The following DSTYK variants were observed in gnomAD, a reference collection of about 807,000 sequenced individuals.
The protein encoded by DSTYK is RIP-homologous kinase.
A neutral mutation model predicts 98.7 loss-of-function variants in DSTYK; 34 were observed. The observed-to-expected ratio is 0.34, with a 90% confidence interval of 0.26 to 0.46. The LOEUF is 0.46. Among genes scored for constraint, DSTYK ranks in the 20% least tolerant of loss-of-function variants. The probability of loss-of-function intolerance (pLI) is 1.00; values close to 1 mark genes in which losing one functional copy is unlikely to be tolerated. For missense variants in DSTYK, 962 were observed against 1,181.7 expected (o/e 0.81, Z 2.73); for synonymous variants, 462 against 457.3 (o/e 1.01, Z -0.13).
chr1:205,174,336 A>C (rs1372548153), intron 2 of DSTYK, among the ~76,000 whole-genome samples: 1 of 151,952 alleles, frequency 6.6e-6, no homozygotes, highest in Non-Finnish European at 1.5e-5. Flanking sequence ...AATATGGTGA[A>C]ACCCTGTCTC....
chr1:205,143,583 C>T lies in DSTYK; in HGVS notation c.*3975G>A, dbSNP rs996399223. 1 of 152,546 alleles carries T rather than the reference C, an allele frequency of 6.6e-6. No individual in the cohort carries two copies. Among genetic ancestry groups the T allele is most frequent in the Non-Finnish European group, 1.5e-5 (1 of 68,048 alleles). 9.4% of individuals were successfully genotyped at this position (152,546 alleles called of 1,614,324 possible). A position where few individuals can be genotyped will look rare whatever the true frequency, so the allele number is the denominator to read the frequency against. On this transcript the variant is annotated 3_prime_UTR_variant, in exon 13 of 13. Coordinates refer to ENST00000367162, the MANE Select transcript of DSTYK (RefSeq NM_015375.3). ...CTCTCCAAAGCAAGCCCAAAGGGGG[C>T]TTTAACTTCCCAAAGTGCTACTGTA...
At position 205,211,413 on chromosome 1, in the gene DSTYK, C is replaced by T. The variant is rs1300313479; in HGVS notation, c.123G>A (p.Leu41=). ...TCTGGGTCTCGCGCAGGTTCTGTCG[C>T]AGCCGTCCCAGGTAGCGGCGGTAGC... The part of the protein sequence containing the change: ...FGRYRRYLGR[L]RQNLRETQKF... Residue 41 remains leucine (L), a synonymous_variant, in exon 1 of 13, where the codon CTG becomes CTA. Transcript: ENST00000367162. 6.2e-7 allele frequency: 1 copy of T among 1,610,338 alleles called. No homozygotes were observed. The highest frequency in any genetic ancestry group is 2.2e-5 in the East Asian group (1 of 44,774).
chr1:205,203,986 C>T (rs891359509), intron 1 of DSTYK, among the ~76,000 whole-genome samples: 7 of 152,038 alleles, frequency 4.6e-5, no homozygotes, highest in African/African-American at 9.7e-5. Flanking sequence ...AAGGAAGATT[C>T]GGAAGGAGAA....
At chr1:205,159,418 G>C in intron 9 of DSTYK, 129 bp downstream of exon 9, 1 of 1,205,344 alleles carries the variant, frequency 8.3e-7, no homozygotes, top group Non-Finnish European at 1.1e-6. Context: ...TTGGAAATAA[G>C]TGAAATAAAC....
Position 205,211,594 on chromosome 1 carries a change from C to T in DSTYK, c.-59G>A, listed in dbSNP as rs542851677. 2.5e-4 allele frequency: 356 copies of T among 1,407,046 alleles called. 1 individual carries two copies. Among genetic ancestry groups the T allele is most frequent in the Non-Finnish European group, 3.2e-4 (346 of 1,088,728 alleles). The allele number at this position is 1,407,046 out of a possible 1,614,324, so 87.2% of individuals were successfully genotyped here. A position where few individuals can be genotyped will look rare whatever the true frequency, so the allele number is the denominator to read the frequency against. Reference sequence around the variant, plus strand: ...CCCGGCCGCAGGCCCGGCCTCCCTCCTCCCCGCCCCCCAGTGCCGAAGGGA... The same window carrying T: ...CCCGGCCGCAGGCCCGGCCTCCCTCTTCCCCGCCCCCCAGTGCCGAAGGGA... On this transcript the variant is annotated 5_prime_UTR_variant, in exon 1 of 13. Transcript: ENST00000367162.
At position 205,169,114 on chromosome 1, in the gene DSTYK, T is replaced by C; in HGVS notation, c.1324+49A>G. On this transcript the variant is annotated intron_variant, in intron 3 of 12. Coordinates refer to ENST00000367162, the MANE Select transcript of DSTYK (RefSeq NM_015375.3). The surrounding 1 kb of genome is among the most constrained non-coding windows in gnomAD (Gnocchi z 4.0). ...TTCTTAATTTCCGGCTAGAAAATGG[T>C]TAGAGACTCCTCCCGTGCCAGCACC... 2 of 1,464,534 alleles carry C rather than the reference T, an allele frequency of 1.4e-6. No individual in the cohort carries two copies. The highest frequency in any genetic ancestry group is 1.8e-6 in the Non-Finnish European group (2 of 1,081,520). The allele number at this position is 1,464,534 out of a possible 1,614,324, so 90.7% of individuals were successfully genotyped here. A position where few individuals can be genotyped will look rare whatever the true frequency, so the allele number is the denominator to read the frequency against.
chr1:205,179,575 C>G (rs1398420120), intron 2 of DSTYK, among the ~76,000 whole-genome samples: 1 of 149,250 alleles, frequency 6.7e-6, no homozygotes. Context: ...GAGCCGAGAT[C>G]GCGCCACTGC....
intron 10 of DSTYK, among the ~76,000 whole-genome samples, chr1:205,154,092 T>C (rs1165440603): frequency 6.6e-6 from 1 of 150,930 alleles, no homozygotes; most frequent in African/African-American, 2.4e-5. Context: ...TGTGCATGTA[T>C]AGAGAGAAAG....
chr1:205,164,051 G>A (rs943365144), intron 3 of DSTYK, 96 bp from the exon 4 acceptor site: 77 of 998,804 alleles, frequency 7.7e-5, no homozygotes, highest in Admixed American at 5.6e-4. Context: ...TGGAACTACC[G>A]TGATGATGAT....
chr1:205,154,130 T>C (rs1042059215), intron 10 of DSTYK, among the ~76,000 whole-genome samples: 3 of 151,890 alleles, frequency 2.0e-5, no homozygotes, highest in Non-Finnish European at 2.9e-5. Flanking sequence ...GAGAAAAGAA[T>C]ATGAGTTTGG....
At chr1:205,203,702 G>A (rs1659118017) in intron 1 of DSTYK, among the ~76,000 whole-genome samples, 1 of 151,966 alleles carries the variant, frequency 6.6e-6, no homozygotes, top group South Asian at 2.1e-4. Flanking sequence ...GATCACCTGA[G>A]GTCAGGAGTT....
At chr1:205,153,659 TC>T (rs1574748469) in intron 10 of DSTYK, among the ~76,000 whole-genome samples, 1 of 151,874 alleles carries the variant, frequency 6.6e-6, no homozygotes, top group African/African-American at 2.4e-5. Context: ...ATGTCCTTTT[TC>T]TTAGGAGATA....
chr1:205,152,652 T>G (rs559895148), intron 10 of DSTYK, among the ~76,000 whole-genome samples: 5 of 151,938 alleles, frequency 3.3e-5, no homozygotes, highest in Non-Finnish European at 7.3e-5. Context: ...AGAAGTGTTT[T>G]GAATTTCATT....
rs527857202 is a variant in DSTYK, at chr1:205,150,262, A to G, written c.2467+418T>C. Among the ~76,000 whole-genome samples the G allele has an allele frequency of 6.6e-6, 1 of 152,168 alleles. No homozygotes were observed. The highest frequency in any genetic ancestry group is 1.5e-5 in the Non-Finnish European group (1 of 68,038). On this transcript the variant is annotated intron_variant, in intron 11 of 12. Transcript: ENST00000367162. This position sits in a 1 kb window ranked among gnomAD's most constrained non-coding sequence, Gnocchi z 4.1. Reference sequence around the variant, plus strand: ...TTCCTTCTCTAAACACCAACAGTACATTATATAGCACTTAATTTAGCACTT... The same window carrying G: ...TTCCTTCTCTAAACACCAACAGTACGTTATATAGCACTTAATTTAGCACTT...
rs1657278498 is a variant in DSTYK at position 205,147,659 on chromosome 1, GC to G, written c.2688del (p.Arg896SerfsTer15). 1 of 1,614,166 alleles carries G rather than the reference GC, an allele frequency of 6.2e-7. No homozygotes were observed. The highest frequency in any genetic ancestry group is 8.5e-7 in the Non-Finnish European group (1 of 1,180,022). On this transcript the variant is annotated frameshift_variant, in exon 13 of 13. Transcript: ENST00000367162. LOFTEE classifies it high-confidence loss of function. Reference sequence around the variant, plus strand: ...ATGGGCTGGACAATGCCCAAGAGAGGCCTCTTCAAGGGGTCGCCATCCCAAC... The same window carrying G: ...ATGGGCTGGACAATGCCCAAGAGAGGCTCTTCAAGGGGTCGCCATCCCAAC... ...EACWDGDPLK[R>X]PLLGIVQPML...
rs1657267799 is a variant in DSTYK at position 205,147,376 on chromosome 1, C to T, written c.*182G>A. The stretch of plus-strand genomic sequence containing the variant: ...GCGCTTCAGTGAGCTGCTGAATATG[C>T]TCAGTCATTCAACTCTTCACTGTCC... On this transcript the variant is annotated 3_prime_UTR_variant, in exon 13 of 13. Coordinates refer to ENST00000367162, the MANE Select transcript of DSTYK (RefSeq NM_015375.3). 1 of 521,778 alleles carries T rather than the reference C, an allele frequency of 1.9e-6. No homozygotes were observed. Among genetic ancestry groups the T allele is most frequent in the Admixed American group, 3.3e-5 (1 of 30,700 alleles). 32.3% of individuals were successfully genotyped at this position (521,778 alleles called of 1,614,324 possible).
chr1:205,159,186 G>A (rs1430226810), intron 9 of DSTYK, among the ~76,000 whole-genome samples: 5 of 151,906 alleles, frequency 3.3e-5, no homozygotes, highest in African/African-American at 9.7e-5. Flanking sequence ...CCTCCTAAGC[G>A]CAAGAGATCC....
chr1:205,163,050 G>A (rs760029151), intron 4 of DSTYK, 44 bp from the exon 5 acceptor site: 42 of 1,519,216 alleles, frequency 2.8e-5, no homozygotes, highest in South Asian at 4.5e-5. Flanking sequence ...CAGTAGTGTG[G>A]CTATTTTAAA....
At chr1:205,186,713 C>T (rs1004148873) in intron 2 of DSTYK, among the ~76,000 whole-genome samples, 3 of 152,112 alleles carry the variant, frequency 2.0e-5, no homozygotes, top group South Asian at 2.1e-4. Context: ...AAACGCAGAC[C>T]AAGACAGAAG....
Sources: allele counts gnomAD v4.1 joint callset (sites outside exome capture counted in the v4.1 genomes callset), GRCh38; gene constraint gnomAD v4.1.1; non-coding constraint Gnocchi (gnomAD v3.1); transcripts MANE v1.5; gene names NCBI Gene and HGNC (gene_info 2026-07-23, HGNC 2026-07-21).